PLD1: variants seen among roughly 807,000 people sequenced by gnomAD.
The protein encoded by PLD1 is phospholipase D1, also known as choline phosphatase 1.
A neutral mutation model predicts 137.1 loss-of-function variants in PLD1; 112 were observed. The ratio of observed to expected loss-of-function variants is 0.82; its 90% CI spans 0.70 to 0.96. PLD1 has a LOEUF of 0.96. Among genes scored for constraint, PLD1 ranks in the 40% least tolerant of loss-of-function variants. PLD1 has a pLI of 0.00. For synonymous variants in PLD1, 431 were observed against 454.7 expected, an observed-to-expected ratio of 0.95 and a Z score of 0.66; for missense variants, 1,321 against 1,342.0, an observed-to-expected ratio of 0.98 and a Z score of 0.24.
chr3:171,722,899 T>C (rs965319971), intron 8 of PLD1, among the ~76,000 whole-genome samples: 2 of 152,172 alleles, frequency 1.3e-5, no homozygotes, highest in Admixed American at 1.3e-4. Flanking sequence ...GTTTATATAT[T>C]TATGGGGTAT....
chr3:171,637,416 A>C (rs1219820502), intron 23 of PLD1, among the ~76,000 whole-genome samples: 1 of 7,536 alleles, frequency 1.3e-4, no homozygotes, highest in Non-Finnish European at 2.4e-4. Flanking sequence ...TTGCATTTTT[A>C]GTAGAGATGG....
intron 1 of PLD1, among the ~76,000 whole-genome samples, chr3:171,757,745 T>C (rs982905014): frequency 4.6e-5 from 7 of 152,148 alleles, no homozygotes; most frequent in African/African-American, 1.7e-4. Context: ...CAAAACAAAA[T>C]GAAAACCTGC....
intron 1 of PLD1, among the ~76,000 whole-genome samples, chr3:171,738,475 A>C (rs1719546800): frequency 1.3e-5 from 2 of 152,356 alleles, no homozygotes; most frequent in Middle Eastern, 3.4e-3. Flanking sequence ...ATATCATGAA[A>C]AATAAGCAAC....
chr3:171,757,147 T>C (rs1305185755), intron 1 of PLD1, among the ~76,000 whole-genome samples: 1 of 152,130 alleles, frequency 6.6e-6, no homozygotes, highest in Non-Finnish European at 1.5e-5. Context: ...AAGAAAGCAA[T>C]CTACCGACGT....
At chr3:171,711,857 C>G (rs1578334567) in intron 9 of PLD1, among the ~76,000 whole-genome samples, 1 of 133,148 alleles carries the variant, frequency 7.5e-6, no homozygotes, top group Middle Eastern at 4.0e-3. Flanking sequence ...GAGTGGATTA[C>G]AGAAAGTTTT....
intron 1 of PLD1, among the ~76,000 whole-genome samples, chr3:171,796,550 A>G (rs1429587600): frequency 1.3e-5 from 2 of 152,232 alleles, no homozygotes; most frequent in African/African-American, 4.8e-5. Context: ...ACTGTGTTCT[A>G]TCATATTTCA....
intron 1 of PLD1, among the ~76,000 whole-genome samples, chr3:171,776,692 A>T (rs560449431): frequency 6.6e-6 from 1 of 152,260 alleles, no homozygotes; most frequent in East Asian, 1.9e-4. Flanking sequence ...ATTCTGTAAC[A>T]TCTGTCATGG....
chr3:171,667,972 G>A (rs914878006), intron 19 of PLD1, among the ~76,000 whole-genome samples: 1 of 152,116 alleles, frequency 6.6e-6, no homozygotes, highest in Non-Finnish European at 1.5e-5. Flanking sequence ...CGCTGGTTTC[G>A]AACTCCTGAC....
At chr3:171,804,320 C>T (rs972209416) in intron 1 of PLD1, among the ~76,000 whole-genome samples, 1 of 151,566 alleles carries the variant, frequency 6.6e-6, no homozygotes, top group Admixed American at 6.6e-5. Flanking sequence ...GTCCATTCTA[C>T]ATCTACACAT....
rs540410480 is a variant in PLD1 at position 171,733,247 on chromosome 3, T to C, written c.606+197A>G. ...ATAGACATATTAAGTTCTACTCAACTTTTTAAAACAGCGTCACACCACTGT... is the reference window on the plus strand; with the variant it reads ...ATAGACATATTAAGTTCTACTCAACCTTTTAAAACAGCGTCACACCACTGT... On this transcript the variant is annotated intron_variant, in intron 6 of 26. Transcript: ENST00000351298. Among the ~76,000 whole-genome samples, 5 of 152,368 alleles carry C rather than the reference T, an allele frequency of 3.3e-5. No homozygotes were observed. The East Asian group carries it at 9.6e-4, about 29-fold the overall frequency.
intron 1 of PLD1, among the ~76,000 whole-genome samples, chr3:171,757,158 C>T (rs1721084244): frequency 6.6e-6 from 1 of 152,164 alleles, no homozygotes; most frequent in Admixed American, 6.5e-5. Context: ...CTACCGACGT[C>T]TACATTGAAT....
At chr3:171,696,609 T>G (rs1321234887) in intron 12 of PLD1, among the ~76,000 whole-genome samples, 1 of 152,206 alleles carries the variant, frequency 6.6e-6, no homozygotes, top group East Asian at 1.9e-4. Flanking sequence ...ACAAATATTA[T>G]GTTTCAACCT....
intron 10 of PLD1, 152 bp downstream of exon 10, chr3:171,709,408 G>A (rs1716963122): frequency 1.8e-6 from 1 of 554,804 alleles, no homozygotes; most frequent in Non-Finnish European, 3.1e-6. Context: ...TCTATAATCA[G>A]GTAGTCCCAT....
rs184068050 is a variant in PLD1 at position 171,689,300 on chromosome 3, T to C, written c.1339-424A>G. ...ATTGATATTTTATCAGTCATTGAAT[T>C]GAAATATTAAGCATATGAATATAGG... On this transcript the variant is annotated intron_variant, in intron 13 of 26. Transcript: ENST00000351298. 9.2e-3 allele frequency among the ~76,000 whole-genome samples: 1,394 copies of C among 152,310 alleles called. 31 individuals carry two copies. Among genetic ancestry groups the C allele is most frequent in the Admixed American group, 0.045 (689 of 15,296 alleles).
intron 11 of PLD1, among the ~76,000 whole-genome samples, chr3:171,701,989 T>A (rs978917807): frequency 1.3e-5 from 2 of 152,092 alleles, no homozygotes; most frequent in Non-Finnish European, 2.9e-5. Flanking sequence ...AAATTAAAAA[T>A]TAATGATCAG....
At chr3:171,720,400 G>C (rs992289543) in intron 8 of PLD1, among the ~76,000 whole-genome samples, 1 of 151,376 alleles carries the variant, frequency 6.6e-6, no homozygotes, top group African/African-American at 2.4e-5. Context: ...TGAGACCACA[G>C]TGAAACCCCG....
At chr3:171,654,079 T>A in intron 21 of PLD1, 1 of 379,708 alleles carries the variant, frequency 2.6e-6, no homozygotes, top group South Asian at 1.9e-5. Flanking sequence ...GGTGGGCGGA[T>A]CACTTGAGGT....
At chr3:171,780,244 C>T (rs967134669) in intron 1 of PLD1, among the ~76,000 whole-genome samples, 1 of 151,114 alleles carries the variant, frequency 6.6e-6, no homozygotes, top group Admixed American at 6.6e-5. Flanking sequence ...GTCTGAGATT[C>T]AGGAATGGGG....
intron 12 of PLD1, among the ~76,000 whole-genome samples, chr3:171,697,966 C>T (rs532770742): frequency 1.3e-5 from 2 of 152,192 alleles, no homozygotes; most frequent in East Asian, 3.9e-4. Flanking sequence ...TTGATTGAAA[C>T]CTAAAACAGT....
Sources: gnomAD v4.1 joint callset for allele counts (sites outside exome capture counted in the v4.1 genomes callset) on GRCh38, gnomAD v4.1.1 for gene constraint, MANE v1.5 for transcripts, NCBI Gene and HGNC (gene_info 2026-07-23, HGNC 2026-07-21) for gene names.